Variants in MALRD1 observed in about 807,000 individuals in gnomAD.
MALRD1 encodes the protein MAM and LDL-receptor class A domain-containing protein 1.
Under a neutral mutation model 242.1 loss-of-function variants are expected in MALRD1, and 247 were observed. The ratio of observed to expected loss-of-function variants is 1.02; its 90% CI spans 0.92 to 1.13. The LOEUF is 1.13. MALRD1 is among the 50% of genes most tolerant of loss of function. MALRD1 has a pLI of 0.00. For missense variants in MALRD1, 2,989 were observed against 2,533.1 expected, an observed-to-expected ratio of 1.18 and a Z score of -3.86; for synonymous variants, 995 against 866.6, an observed-to-expected ratio of 1.15 and a Z score of -2.60.
intron 29 of MALRD1, among the ~76,000 whole-genome samples, chr10:19,481,296 G>T (rs1254754131): frequency 1.3e-5 from 2 of 152,114 alleles, no homozygotes; most frequent in African/African-American, 4.8e-5. Context: ...AGTTTCAGAC[G>T]TGTTGCTATT....
At chr10:19,562,614 T>C (rs1453678762) in intron 32 of MALRD1, among the ~76,000 whole-genome samples, 1 of 152,140 alleles carries the variant, frequency 6.6e-6, no homozygotes, top group African/African-American at 2.4e-5. Context: ...TTCTTCAGTT[T>C]TAGAGGCAGC....
intron 33 of MALRD1, 35 bp from the exon 34 acceptor site, chr10:19,595,148 GGAAACTCCCTA>G (rs1838014873): frequency 6.6e-7 from 1 of 1,512,122 alleles, no homozygotes; most frequent in Admixed American, 2.0e-5. Context: ...CTGGATGGAG[GGAAACTCCCTA>G]ATGCCAAAAT....
At chr10:19,066,677 TA>T in intron 1 of MALRD1, 41 bp from the exon 2 acceptor site, 1 of 1,228,038 alleles carries the variant, frequency 8.1e-7, no homozygotes, top group Non-Finnish European at 1.0e-6. Context: ...TTTAAAAAGC[TA>T]AACACAGTTG....
intron 12 of MALRD1, among the ~76,000 whole-genome samples, chr10:19,155,707 T>C (rs529759400): frequency 6.6e-6 from 1 of 152,288 alleles, no homozygotes; most frequent in South Asian, 2.1e-4. Context: ...ACAAATTGTA[T>C]ATTCCTTTTG....
upstream of MALRD1, chr10:19,048,676 G>T (rs748092892): frequency 1.1e-5 from 3 of 275,618 alleles, no homozygotes; most frequent in African/African-American, 6.5e-5. Flanking sequence ...TGTAAATATG[G>T]CATACAGGGG....
At chr10:19,066,900 T>C (rs1471913869) in intron 2 of MALRD1, 41 bp downstream of exon 2, 1 of 1,217,056 alleles carries the variant, frequency 8.2e-7, no homozygotes, top group Non-Finnish European at 1.0e-6. Flanking sequence ...TCTCCCTTCC[T>C]CCTTTCCTTC....
At position 19,692,439 on chromosome 10, in the gene MALRD1, CT is replaced by C. The variant is rs1833120686; in HGVS notation, c.6218-16del. The C allele has an allele frequency of 6.5e-7, 1 of 1,533,402 alleles. No homozygotes were observed. Among genetic ancestry groups the C allele is most frequent in the South Asian group, 1.2e-5 (1 of 83,812 alleles). The allele number at this position is 1,533,402 out of a possible 1,614,324, so 95.0% of individuals were successfully genotyped here. A position where few individuals can be genotyped will look rare whatever the true frequency, so the allele number is the denominator to read the frequency against. ...TATTTCACTGCATATTTATCTTTTTCTTTGGTTTAAAATTCCAGATACATGG... is the reference window on the plus strand; with the variant it reads ...TATTTCACTGCATATTTATCTTTTTCTTGGTTTAAAATTCCAGATACATGG... On this transcript the variant is annotated intron_variant, in intron 37 of 39. Transcript: ENST00000454679.
intron 20 of MALRD1, among the ~76,000 whole-genome samples, chr10:19,280,979 AACAG>A (rs1840776413): frequency 6.6e-6 from 1 of 152,206 alleles, no homozygotes; most frequent in African/African-American, 2.4e-5. Context: ...AAGGGCTTAG[AACAG>A]ACAGATAACA....
chr10:19,085,399 TA>T (rs1219472526), intron 2 of MALRD1, among the ~76,000 whole-genome samples: 3 of 151,774 alleles, frequency 2.0e-5, no homozygotes, highest in Admixed American at 6.6e-5. Flanking sequence ...AAGTACACAC[TA>T]AAAAAAATTG....
intron 32 of MALRD1, among the ~76,000 whole-genome samples, chr10:19,535,316 A>G (rs1308205986): frequency 6.6e-6 from 1 of 152,166 alleles, no homozygotes; most frequent in Admixed American, 6.5e-5. Context: ...TCTGTGAATG[A>G]ATAATTAGTG....
At chr10:19,361,350 G>T (rs1227531300) in intron 26 of MALRD1, among the ~76,000 whole-genome samples, 9 of 152,206 alleles carry the variant, frequency 5.9e-5, no homozygotes, top group Non-Finnish European at 1.0e-4. Flanking sequence ...TCATGAGTTT[G>T]AAGAATTGCC....
rs141344386 is a variant in MALRD1, at chr10:19,498,294, A to G, written c.5159-191A>G. ...CATATAACTCCTTAATGAATAAGTG[A>G]CAACATTCATACACTGCTTCTAGAT... On this transcript the variant is annotated intron_variant, in intron 30 of 39. Coordinates refer to ENST00000454679, the MANE Select transcript of MALRD1 (RefSeq NM_001142308.3). 6.0e-3 allele frequency among the ~76,000 whole-genome samples: 912 copies of G among 152,350 alleles called. 6 individuals carry two copies. Among genetic ancestry groups the G allele is most frequent in the African/African-American group, 0.02 (823 of 41,592 alleles).
rs755447334 is a variant in MALRD1, at chr10:19,450,414, A to G, written c.4953A>G (p.Ile1651Met). The G allele has an allele frequency of 1.7e-5, 26 of 1,550,576 alleles. No individual in the cohort carries two copies. The South Asian group carries it at 3.0e-4, about 18-fold the overall frequency. ...LLGKLRNFEVIFQGIRTRDLG... is the reference protein window; with the variant it reads ...LLGKLRNFEVMFQGIRTRDLG... ...GAAAGTTAAGGAATTTTGAAGTCAT[A>G]TTTCAAGGTATCAGAACAAGGGACC... Residue 1651 changes from isoleucine to methionine, a missense_variant, in exon 29 of 40, where the codon ATA becomes ATG. Physicochemically the swap from Ile to Met is conservative, Grantham distance 10. Coordinates refer to ENST00000454679, the MANE Select transcript of MALRD1 (RefSeq NM_001142308.3).
Position 19,480,875 on chromosome 10 carries a change from G to C in MALRD1, c.5030-10642G>C, listed in dbSNP as rs534867830. ...GGATTGGGTCTGAAACTGTAAACCAGTGATTTGAAGTAGGCATAACCTAGG... is the reference window on the plus strand; with the variant it reads ...GGATTGGGTCTGAAACTGTAAACCACTGATTTGAAGTAGGCATAACCTAGG... On this transcript the variant is annotated intron_variant, in intron 29 of 39. Coordinates refer to ENST00000454679, the MANE Select transcript of MALRD1 (RefSeq NM_001142308.3). Among the ~76,000 whole-genome samples, 5 of 152,180 alleles carry C rather than the reference G, an allele frequency of 3.3e-5. No homozygotes were observed. The South Asian group carries it at 8.3e-4, about 25-fold the overall frequency.
chr10:19,168,712 G>A (rs1435402618), intron 13 of MALRD1, among the ~76,000 whole-genome samples: 4 of 152,080 alleles, frequency 2.6e-5, no homozygotes, highest in African/African-American at 9.7e-5. Context: ...CTGTGATTTG[G>A]CTGCAATGGA....
chr10:19,500,021 T>G (rs891631437), intron 31 of MALRD1, among the ~76,000 whole-genome samples: 3 of 152,152 alleles, frequency 2.0e-5, no homozygotes, highest in African/African-American at 7.2e-5. Context: ...TCAAGTATTT[T>G]GTTGAGGATT....
chr10:19,540,226 C>T (rs1834903108), intron 32 of MALRD1, among the ~76,000 whole-genome samples: 1 of 152,100 alleles, frequency 6.6e-6, no homozygotes, highest in East Asian at 1.9e-4. Context: ...AGAGGATATT[C>T]TATTCCCTGT....
intron 31 of MALRD1, among the ~76,000 whole-genome samples, chr10:19,507,217 A>G (rs1479033945): frequency 6.6e-6 from 1 of 152,084 alleles, no homozygotes; most frequent in African/African-American, 2.4e-5. Flanking sequence ...AGCAACGGGG[A>G]TTTCAGTTAA....
chr10:19,535,695 G>A (rs1247300369), intron 32 of MALRD1, among the ~76,000 whole-genome samples: 1 of 151,806 alleles, frequency 6.6e-6, no homozygotes, highest in African/African-American at 2.4e-5. Context: ...GCAGTCTTAC[G>A]TATTTTATAA....
Sources: gnomAD v4.1 joint callset for allele counts (sites outside exome capture counted in the v4.1 genomes callset) on GRCh38, gnomAD v4.1.1 for gene constraint, MANE v1.5 for transcripts, NCBI Gene and HGNC (gene_info 2026-07-23, HGNC 2026-07-21) for gene names.